CARD8: variants seen among roughly 807,000 people sequenced by gnomAD.
CARD8 encodes caspase recruitment domain family member 8.
Under a neutral mutation model 53.2 loss-of-function variants are expected in CARD8, and 38 were observed. The observed-to-expected ratio is 0.71, with a 90% CI of 0.55 to 0.94. CARD8 has a LOEUF of 0.94. Ranked by LOEUF, CARD8 falls within the 40% of genes least tolerant of loss-of-function variation. The pLI is 0.00. For synonymous variants in CARD8, 245 were observed against 244.9 expected (o/e 1.00, Z 0.00); for missense variants, 561 against 655.5 (o/e 0.86, Z 1.57).
At chr19:48,241,379 C>T (rs2045045250) in intron 3 of CARD8, among the ~76,000 whole-genome samples, 1 of 152,216 alleles carries the variant, frequency 6.6e-6, no homozygotes, top group African/African-American at 2.4e-5. Context: ...CCTCAGCCTC[C>T]TGAGTAGCTG....
At chr19:48,230,380 G>C in intron 10 of CARD8, 58 bp downstream of exon 10, 1 of 1,537,434 alleles carries the variant, frequency 6.5e-7, no homozygotes. Flanking sequence ...AGGGGCCAAG[G>C]GGATAACCTG....
chr19:48,219,052 T>C, intron 11 of CARD8, 40 bp from the exon 12 acceptor site: 1 of 1,607,710 alleles, frequency 6.2e-7, no homozygotes, highest in Non-Finnish European at 8.5e-7. Context: ...CAGTGGAGGG[T>C]GGAAAGGCCC....
chr19:48,228,261 GTAA>G (rs1409225288), intron 10 of CARD8, among the ~76,000 whole-genome samples: 4 of 152,210 alleles, frequency 2.6e-5, no homozygotes, highest in African/African-American at 9.6e-5. Flanking sequence ...ATATTACAAT[GTAA>G]TAATAATCGA....
At chr19:48,245,618 G>C (rs2045976683) in intron 3 of CARD8, among the ~76,000 whole-genome samples, 1 of 151,622 alleles carries the variant, frequency 6.6e-6, no homozygotes, top group Non-Finnish European at 1.5e-5. Flanking sequence ...ATGGTACCTA[G>C]AACTAAACTA....
intron 4 of CARD8, among the ~76,000 whole-genome samples, chr19:48,239,229 TCA>T (rs2044498015): frequency 6.6e-6 from 1 of 152,202 alleles, no homozygotes; most frequent in Non-Finnish European, 1.5e-5. Context: ...TCACTGCCTT[TCA>T]CAGACATCAC....
chr19:48,251,184 T>C (rs1197867422), intron 1 of CARD8, among the ~76,000 whole-genome samples: 1 of 152,182 alleles, frequency 6.6e-6, no homozygotes, highest in Non-Finnish European at 1.5e-5. Context: ...ATTTTGTAGG[T>C]TGGGTTCTGT....
At chr19:48,207,413 G>A (rs1226587855), downstream of CARD8, among the ~76,000 whole-genome samples, 1 of 152,010 alleles carries the variant, frequency 6.6e-6, no homozygotes, top group Admixed American at 6.6e-5. Flanking sequence ...TTACATTTGT[G>A]CTCCATATAC....
At chr19:48,237,338 G>A (rs1170927822) in intron 5 of CARD8, among the ~76,000 whole-genome samples, 1 of 151,970 alleles carries the variant, frequency 6.6e-6, no homozygotes, top group Admixed American at 6.6e-5. Context: ...CATGAACTCA[G>A]AGTAAGAAGC....
chr19:48,218,003 T>C (rs2039682204), intron 12 of CARD8, among the ~76,000 whole-genome samples: 1 of 152,206 alleles, frequency 6.6e-6, no homozygotes, highest in Non-Finnish European at 1.5e-5. Flanking sequence ...AGTCCTTATG[T>C]TTCTTCTGAC....
At chr19:48,212,065 G>T in intron 13 of CARD8, 90 bp from the exon 14 acceptor site, 3 of 1,226,132 alleles carry the variant, frequency 2.4e-6, no homozygotes, top group Non-Finnish European at 2.3e-6. Flanking sequence ...ATTCAGGGGT[G>T]GGAGATTGCT....
At chr19:48,206,612 G>C, downstream of CARD8, 1 of 427,728 alleles carries the variant, frequency 2.3e-6, no homozygotes, top group Non-Finnish European at 4.7e-6. Context: ...GGCCTCTAAA[G>C]GGCACCTAGG....
chr19:48,247,378 T>C (rs1330732558), intron 3 of CARD8, among the ~76,000 whole-genome samples: 1 of 152,168 alleles, frequency 6.6e-6, no homozygotes, highest in Non-Finnish European at 1.5e-5. Context: ...GAAATGTTTT[T>C]CAATAGGGGA....
At chr19:48,228,753 T>G (rs2042265633) in intron 10 of CARD8, among the ~76,000 whole-genome samples, 1 of 151,350 alleles carries the variant, frequency 6.6e-6, no homozygotes, top group Non-Finnish European at 1.5e-5. Context: ...AGATTGACGG[T>G]GGAGGGGAAA....
rs766311376 is a variant in CARD8, at chr19:48,230,636, C to G, written c.837G>C (p.Glu279Asp). ...AHFKNEGMVL[E>D]HPARVEPFYA... ...AGAAAGGCTCCACCCGGGCTGGATG[C>G]TCCAGGACCATCCCTTCATTCTTAA... The change falls in exon 10 of 14, where the codon GAG becomes GAC. Residue 279 changes from glutamate to aspartate, a missense_variant. By Grantham distance (45) the Glu-to-Asp change is conservative (BLOSUM62 2). Transcript: ENST00000651546. The G allele has an allele frequency of 6.2e-7, 1 of 1,614,034 alleles. No individual in the cohort carries two copies. The highest frequency in any genetic ancestry group is 1.7e-5 in the Admixed American group (1 of 60,010).
At position 48,240,908 on chromosome 19, in the gene CARD8, G is replaced by A. The variant is rs569578420; in HGVS notation, c.59+54C>T. ...TCCTCTGTATCTCATGAACTATAAC[G>A]AAACACAGAAGAATCAGCCATCAGG... is the stretch of plus-strand genomic sequence containing the variant. On this transcript the variant is annotated intron_variant, in intron 4 of 13. Coordinates refer to ENST00000651546, the MANE Select transcript of CARD8 (RefSeq NM_001184900.3). The A allele has an allele frequency of 5.3e-4, 728 of 1,384,344 alleles. No individual in the cohort carries two copies. The African/African-American group carries it at 6.4e-3, about 12-fold the overall frequency. The allele number at this position is 1,384,344 out of a possible 1,614,324, so 85.8% of individuals were successfully genotyped here.
Position 48,234,070 on chromosome 19 carries a change from C to G in CARD8, c.350+333G>C, listed in dbSNP as rs1437031027. On this transcript the variant is annotated intron_variant, in intron 6 of 13. Transcript: ENST00000651546. ...CTCCCCGGTGTTAAACCTCAGGACC[C>G]CACTGTGGCCTTCAGCCTCATCATC... 4.8e-5 allele frequency: 10 copies of G among 208,644 alleles called. No homozygotes were observed. The South Asian group carries it at 9.4e-4, about 20-fold the overall frequency. 12.9% of individuals were successfully genotyped at this position (208,644 alleles called of 1,614,324 possible). A position where few individuals can be genotyped will look rare whatever the true frequency, so the allele number is the denominator to read the frequency against.
At chr19:48,234,064 A>G (rs1474771784) in intron 6 of CARD8, 2 of 198,860 alleles carry the variant, frequency 1.0e-5, no homozygotes, top group Non-Finnish European at 2.0e-5. Context: ...GTTAAACCTC[A>G]GGACCCCACT....
At chr19:48,228,224 T>C (rs2042166232) in intron 10 of CARD8, among the ~76,000 whole-genome samples, 1 of 152,234 alleles carries the variant, frequency 6.6e-6, no homozygotes, top group Non-Finnish European at 1.5e-5. Flanking sequence ...TTTTACATTA[T>C]GGTGAGTTGT....
intron 10 of CARD8, among the ~76,000 whole-genome samples, chr19:48,224,123 G>A (rs564926220): frequency 9.2e-5 from 14 of 152,194 alleles, no homozygotes; most frequent in South Asian, 2.1e-4. Context: ...CAGCACGCCC[G>A]GCTAATTTTT....
Sources: gnomAD v4.1 joint callset for allele counts (sites outside exome capture counted in the v4.1 genomes callset) on GRCh38, gnomAD v4.1.1 for gene constraint, MANE v1.5 for transcripts, NCBI Gene and HGNC (gene_info 2026-07-23, HGNC 2026-07-21) for gene names.